Variants in GABBR2 observed in about 807,000 individuals in gnomAD.
GABBR2 encodes gamma-aminobutyric acid type B receptor subunit 2, also known as G-protein coupled receptor 51.
In GABBR2, 23 loss-of-function variants were observed where a neutral mutation model predicts 105.6. The ratio of observed to expected loss-of-function variants is 0.22; its 90% CI spans 0.16 to 0.31. The LOEUF (loss-of-function observed/expected upper bound fraction) is 0.31. Among genes scored for constraint, GABBR2 ranks in the 10% least tolerant of loss-of-function variants. The pLI is 1.00. For synonymous variants in GABBR2, 478 were observed against 499.7 expected (o/e 0.96, Z 0.58); for missense variants, 734 against 1,245.5 (o/e 0.59, Z 6.18).
chr9:98,592,664 A>G (rs140672166), intron 1 of GABBR2, among the ~76,000 whole-genome samples: 6 of 152,354 alleles, frequency 3.9e-5, no homozygotes, highest in African/African-American at 1.4e-4. Flanking sequence ...GAAAGCAGTA[A>G]TAAGTCATCA....
At chr9:98,320,630 A>AT (rs1365572492) in intron 13 of GABBR2, among the ~76,000 whole-genome samples, 2 of 152,188 alleles carry the variant, frequency 1.3e-5, no homozygotes, top group East Asian at 3.8e-4. Flanking sequence ...CATATACACC[A>AT]TGGAATACTG....
chr9:98,698,428 C>A (rs1830784669), intron 1 of GABBR2, among the ~76,000 whole-genome samples: 1 of 152,140 alleles, frequency 6.6e-6, no homozygotes, highest in African/African-American at 2.4e-5. Context: ...GTTCAATATT[C>A]ATTCACACAG....
chr9:98,673,330 A>C (rs935380550), intron 1 of GABBR2, among the ~76,000 whole-genome samples: 63 of 152,206 alleles, frequency 4.1e-4, no homozygotes, highest in African/African-American at 1.4e-3. Context: ...CTCGTGCAGC[A>C]CTTTTTATAC....
chr9:98,303,565 C>T (rs934383642), intron 15 of GABBR2, 142 bp from the exon 16 acceptor site: 1 of 719,228 alleles, frequency 1.4e-6, no homozygotes, highest in African/African-American at 1.8e-5. Context: ...AGTCAGGAGA[C>T]CTAGGCTCAG....
intron 7 of GABBR2, among the ~76,000 whole-genome samples, chr9:98,429,267 G>A (rs1419137655): frequency 6.6e-6 from 1 of 151,856 alleles, no homozygotes; most frequent in Non-Finnish European, 1.5e-5. Context: ...AGCCTCTTGA[G>A]TAGCTGGGAT....
chr9:98,453,927 T>G, intron 7 of GABBR2, 54 bp downstream of exon 7: 2 of 1,209,682 alleles, frequency 1.7e-6, no homozygotes, highest in Non-Finnish European at 2.5e-6. Context: ...CCTCTTTTGC[T>G]TTGCATGTTT....
At chr9:98,519,709 A>C (rs1054530276) in intron 3 of GABBR2, among the ~76,000 whole-genome samples, 10 of 121,876 alleles carry the variant, frequency 8.2e-5, no homozygotes, top group African/African-American at 3.1e-4. Flanking sequence ...GGAGCCGGCA[A>C]CTTTTTTTTT....
At chr9:98,394,563 A>T (rs1832252989) in intron 8 of GABBR2, among the ~76,000 whole-genome samples, 1 of 152,188 alleles carries the variant, frequency 6.6e-6, no homozygotes, top group Admixed American at 6.5e-5. Flanking sequence ...ACTGAGCTGA[A>T]ATGTTTCCCT....
At chr9:98,638,545 T>C (rs1035536490) in intron 1 of GABBR2, among the ~76,000 whole-genome samples, 2 of 152,192 alleles carry the variant, frequency 1.3e-5, no homozygotes, top group African/African-American at 4.8e-5. Context: ...CCAGTGCCTT[T>C]ATACAAAGGC....
chr9:98,501,323 C>T (rs1827396390), intron 3 of GABBR2, among the ~76,000 whole-genome samples: 3 of 152,098 alleles, frequency 2.0e-5, no homozygotes, highest in Admixed American at 2.0e-4. Context: ...CGCCACCACA[C>T]CCAGCTAATT....
At chr9:98,698,824 T>C (rs1417359115) in intron 1 of GABBR2, among the ~76,000 whole-genome samples, 2 of 152,082 alleles carry the variant, frequency 1.3e-5, no homozygotes, top group Admixed American at 6.6e-5. Context: ...GTTATCTAGT[T>C]TGGGGTCCAG....
At chr9:98,399,385 C>T (rs1352202711) in intron 8 of GABBR2, among the ~76,000 whole-genome samples, 1 of 151,568 alleles carries the variant, frequency 6.6e-6, no homozygotes, top group African/African-American at 2.4e-5. Context: ...ATCTTGGATG[C>T]CACTGCTCTC....
chr9:98,703,527 C>T (rs1011296963), intron 1 of GABBR2, among the ~76,000 whole-genome samples: 3 of 152,132 alleles, frequency 2.0e-5, no homozygotes, highest in Admixed American at 6.5e-5. Flanking sequence ...GAGTCTTGCT[C>T]TGTTGCCCAG....
chr9:98,534,988 G>A (rs554753793), intron 3 of GABBR2, among the ~76,000 whole-genome samples: 1 of 152,346 alleles, frequency 6.6e-6, no homozygotes, highest in Admixed American at 6.5e-5. Context: ...ATATCCTTCA[G>A]CAGATGAATG....
At chr9:98,317,555 C>T (rs1057254263) in intron 13 of GABBR2, among the ~76,000 whole-genome samples, 6 of 152,166 alleles carry the variant, frequency 3.9e-5, no homozygotes, top group African/African-American at 1.4e-4. Flanking sequence ...ACCTCAGTTT[C>T]CCATTTGTGA....
At chr9:98,643,263 G>A (rs1829991559) in intron 1 of GABBR2, among the ~76,000 whole-genome samples, 2 of 152,258 alleles carry the variant, frequency 1.3e-5, no homozygotes, top group South Asian at 2.1e-4. Flanking sequence ...AGCATGCAAC[G>A]GCATAGAGAG....
intron 1 of GABBR2, among the ~76,000 whole-genome samples, chr9:98,632,202 G>C (rs1200485240): frequency 1.3e-5 from 2 of 152,258 alleles, no homozygotes; most frequent in South Asian, 2.1e-4. Context: ...CTAGTGGAAG[G>C]GTCACGGTGA....
At chr9:98,389,311 A>G (rs1304062260) in intron 9 of GABBR2, among the ~76,000 whole-genome samples, 2 of 152,242 alleles carry the variant, frequency 1.3e-5, no homozygotes, top group African/African-American at 4.8e-5. Context: ...TTTATCCCCC[A>G]AGGCAACAAC....
At chr9:98,648,439 G>A (rs1830060840) in intron 1 of GABBR2, among the ~76,000 whole-genome samples, 1 of 152,076 alleles carries the variant, frequency 6.6e-6, no homozygotes. Context: ...GGCCCATACA[G>A]GATATACTTC....
Sources: allele counts gnomAD v4.1 joint callset (sites outside exome capture counted in the v4.1 genomes callset), GRCh38; gene constraint gnomAD v4.1.1; transcripts MANE v1.5; gene names NCBI Gene and HGNC (gene_info 2026-07-23, HGNC 2026-07-21).